UNK: variants seen among roughly 807,000 people sequenced by gnomAD.
UNK encodes unk zinc finger.
In UNK, 32 loss-of-function variants were observed where a neutral mutation model predicts 97.6. The observed-to-expected ratio is 0.33, with a 90% CI of 0.25 to 0.44. UNK has a LOEUF of 0.44. Ranked by LOEUF, UNK falls within the 20% of genes least tolerant of loss-of-function variation. The pLI is 1.00. For missense variants in UNK, 771 were observed against 1,098.4 expected (o/e 0.70, Z 4.21); for synonymous variants, 441 against 461.2 (o/e 0.96, Z 0.56).
chr17:75,805,038 G>A (rs1401354357), intron 1 of UNK, among the ~76,000 whole-genome samples: 5 of 150,848 alleles, frequency 3.3e-5, no homozygotes, highest in African/African-American at 7.3e-5. Context: ...AAAATTAGCC[G>A]GGCGTGGTGG....
In UNK at chr17:75,816,308, A is replaced by T. The variant is rs2062015209; in HGVS notation, c.962-462A>T. On this transcript the variant is annotated intron_variant, in intron 7 of 15. Transcript: ENST00000589666. The surrounding 1 kb of genome is among the most constrained non-coding windows in gnomAD (Gnocchi z 4.0). ...CTCAGGCCCTATCTCTGAGATGAGA[A>T]TGGAAAATAAATCGAGGGCCCTGGG... 6.6e-6 allele frequency among the ~76,000 whole-genome samples: 1 copy of T among 152,202 alleles called. No individual in the cohort carries two copies. Among genetic ancestry groups the T allele is most frequent in the African/African-American group, 2.4e-5 (1 of 41,458 alleles).
chr17:75,819,876 C>T lies in UNK; in HGVS notation c.1649-44C>T. ...TTGCTCTGTGTGGCCCGCCTGGCTT[C>T]CGCTGCCCTCACCCAGCCCGTCCTC... On this transcript the variant is annotated intron_variant, in intron 12 of 15. Transcript: ENST00000589666. This position sits in a 1 kb window ranked among gnomAD's most constrained non-coding sequence, Gnocchi z 5.4. 1 of 1,602,044 alleles carries T rather than the reference C, an allele frequency of 6.2e-7. No individual in the cohort carries two copies. Among genetic ancestry groups the T allele is most frequent in the Non-Finnish European group, 8.5e-7 (1 of 1,173,622 alleles).
At chr17:75,787,906 G>T (rs1318380354) in intron 1 of UNK, among the ~76,000 whole-genome samples, 2 of 151,294 alleles carry the variant, frequency 1.3e-5, no homozygotes, top group African/African-American at 2.4e-5. Context: ...TCCTGCCTTA[G>T]CCTCCTGAGT....
chr17:75,809,085 G>A (rs892042212), intron 1 of UNK: 1 of 146,430 alleles, frequency 6.8e-6, no homozygotes, highest in Admixed American at 6.8e-5. Context: ...AGGCTGGAGC[G>A]GCGGGGGCGG....
chr17:75,809,837 G>A lies in UNK; in HGVS notation c.182G>A (p.Cys61Tyr). Residue 61 changes from cysteine (C) to tyrosine (Y), a missense_variant, in exon 2 of 16, where the codon TGC becomes TAC. Physicochemically the swap from Cys to Tyr is radical, Grantham distance 194. Transcript: ENST00000589666. ...HKCTQHRPYTCFHWHFVNQRR... is the reference protein window; with the variant it reads ...HKCTQHRPYTYFHWHFVNQRR... ...TGCACGCAGCATCGGCCCTACACCT[G>A]CTTCCACTGGCACTTCGTGAACCAG... The A allele has an allele frequency of 6.2e-7, 1 of 1,613,784 alleles. No individual in the cohort carries two copies. Among genetic ancestry groups the A allele is most frequent in the Non-Finnish European group, 8.5e-7 (1 of 1,179,870 alleles).
chr17:75,796,911 A>T (rs2061811037), intron 1 of UNK, among the ~76,000 whole-genome samples: 1 of 152,212 alleles, frequency 6.6e-6, no homozygotes, highest in African/African-American at 2.4e-5. Flanking sequence ...AACTTAAAGA[A>T]CCTTTGATAA....
At position 75,787,447 on chromosome 17, in the gene UNK, C is replaced by T. The variant is rs568789427; in HGVS notation, c.104+2463C>T. Among the ~76,000 whole-genome samples the T allele has an allele frequency of 6.6e-5, 10 of 151,378 alleles. No homozygotes were observed. The East Asian group carries it at 1.4e-3, about 21-fold the overall frequency. On this transcript the variant is annotated intron_variant, in intron 1 of 15. Coordinates refer to ENST00000589666, the MANE Select transcript of UNK (RefSeq NM_001080419.3). ...TCTCGAACTCCTGTGATCGAGCAGG[C>T]GCAAGCAATCTACTGTTGGGCCTTG...
At chr17:75,795,868 T>G (rs1321572248) in intron 1 of UNK, among the ~76,000 whole-genome samples, 1 of 152,194 alleles carries the variant, frequency 6.6e-6, no homozygotes, top group Non-Finnish European at 1.5e-5. Flanking sequence ...TTGTTAGTTC[T>G]TGGGGCCAGG....
Position 75,819,655 on chromosome 17 carries a change from G to A in UNK, c.1547-29G>A, listed in dbSNP as rs780495370. 10 of 1,607,678 alleles carry A rather than the reference G, an allele frequency of 6.2e-6. No individual in the cohort carries two copies. The highest frequency in any genetic ancestry group is 8.5e-6 in the Non-Finnish European group (10 of 1,174,332). ...GTCAGGGTCAGATAGTCCCTCGGGA[G>A]GTCACATCCCACTCTTCTCTGTCCC... On this transcript the variant is annotated intron_variant, in intron 11 of 15. Coordinates refer to ENST00000589666, the MANE Select transcript of UNK (RefSeq NM_001080419.3). The surrounding 1 kb of genome is among the most constrained non-coding windows in gnomAD (Gnocchi z 5.4).
In UNK at chr17:75,812,377, G is replaced by T. The variant is rs765392223; in HGVS notation, c.492-78G>T. The T allele has an allele frequency of 1.1e-5, 18 of 1,581,972 alleles. No individual in the cohort carries two copies. The African/African-American group carries it at 1.8e-4, about 15-fold the overall frequency. On this transcript the variant is annotated intron_variant, in intron 3 of 15. Transcript: ENST00000589666. Reference sequence around the variant, plus strand: ...CTAATGATGGTGAGTACCTCAGACTGCAGTGGAGGGCTGGCACTCTGGTTC... The same window carrying T: ...CTAATGATGGTGAGTACCTCAGACTTCAGTGGAGGGCTGGCACTCTGGTTC...
rs575612726 is a variant in UNK, at chr17:75,824,293, T to C, written c.2309T>C (p.Leu770Pro). ...AVFHMQSVKC[L>P]KCQEQKRAVL... Reference sequence around the variant, plus strand: ...TTCCACATGCAGTCGGTGAAATGCCTTAAGTGTCAGGAACAGAAGCGGGCA... The same window carrying C: ...TTCCACATGCAGTCGGTGAAATGCCCTAAGTGTCAGGAACAGAAGCGGGCA... The change falls in exon 16 of 16, where the codon CTT (leucine) becomes CCT (proline). Residue 770 changes from leucine to proline, a missense_variant. Transcript: ENST00000589666. This position sits in a 1 kb window ranked among gnomAD's most constrained non-coding sequence, Gnocchi z 4.9. The C allele has an allele frequency of 3.1e-6, 5 of 1,603,880 alleles. No homozygotes were observed. The African/African-American group carries it at 6.8e-5, about 22-fold the overall frequency.
chr17:75,800,349 G>T (rs912734164), intron 1 of UNK, among the ~76,000 whole-genome samples: 2 of 151,958 alleles, frequency 1.3e-5, no homozygotes, highest in African/African-American at 4.8e-5. Context: ...GGGATTACAG[G>T]CATGAGCCAC....
intron 1 of UNK, among the ~76,000 whole-genome samples, chr17:75,791,191 C>T (rs922071858): frequency 6.6e-6 from 1 of 152,134 alleles, no homozygotes; most frequent in Non-Finnish European, 1.5e-5. Context: ...TATAGGTCGA[C>T]AGAGAATAAA....
chr17:75,800,241 G>A (rs1183950765), intron 1 of UNK, among the ~76,000 whole-genome samples: 1 of 151,966 alleles, frequency 6.6e-6, no homozygotes, highest in African/African-American at 2.4e-5. Flanking sequence ...GCTAATTCTT[G>A]TATTTTTTTG....
rs2062111943 is a variant in UNK at position 75,825,541 on chromosome 17, T to C, written c.*1124T>C. Reference sequence around the variant, plus strand: ...GTGTATATTGTGTCTTAGCTTCCATTTTAAAAATTGTTCTGTACAGAGAGA... The same window carrying C: ...GTGTATATTGTGTCTTAGCTTCCATCTTAAAAATTGTTCTGTACAGAGAGA... On this transcript the variant is annotated 3_prime_UTR_variant, in exon 16 of 16. Transcript: ENST00000589666. This position sits in a 1 kb window ranked among gnomAD's most constrained non-coding sequence, Gnocchi z 4.4. 6.6e-6 allele frequency: 1 copy of C among 152,376 alleles called. No individual in the cohort carries two copies. Among genetic ancestry groups the C allele is most frequent in the Non-Finnish European group, 1.5e-5 (1 of 68,058 alleles). 9.4% of individuals were successfully genotyped at this position (152,376 alleles called of 1,614,324 possible). A position where few individuals can be genotyped will look rare whatever the true frequency, so the allele number is the denominator to read the frequency against.
chr17:75,790,041 G>C (rs2061749468), intron 1 of UNK, among the ~76,000 whole-genome samples: 1 of 152,180 alleles, frequency 6.6e-6, no homozygotes, highest in South Asian at 2.1e-4. Context: ...TACTGAGGAG[G>C]CTGAGGCAGG....
At chr17:75,800,641 G>A (rs2061848098) in intron 1 of UNK, among the ~76,000 whole-genome samples, 2 of 151,470 alleles carry the variant, frequency 1.3e-5, no homozygotes, top group South Asian at 2.1e-4. Flanking sequence ...GGAGGCTGAG[G>A]CAGGAGAATG....
chr17:75,806,243 CAGG>C (rs751990661), intron 1 of UNK, among the ~76,000 whole-genome samples: 13 of 151,428 alleles, frequency 8.6e-5, no homozygotes, highest in Non-Finnish European at 1.6e-4. Context: ...ATCGCAAGTT[CAGG>C]AGATCAAGAC....
chr17:75,815,558 C>A (rs2062009060), intron 7 of UNK, among the ~76,000 whole-genome samples: 1 of 152,206 alleles, frequency 6.6e-6, no homozygotes, highest in African/African-American at 2.4e-5. Flanking sequence ...CAAATCCCAC[C>A]AGCCACCCCA....
Sources: allele counts gnomAD v4.1 joint callset (sites outside exome capture counted in the v4.1 genomes callset), GRCh38; gene constraint gnomAD v4.1.1; non-coding constraint Gnocchi (gnomAD v3.1); transcripts MANE v1.5; gene names NCBI Gene and HGNC (gene_info 2026-07-23, HGNC 2026-07-21).